Variants in HDAC9 observed in about 807,000 individuals in gnomAD.
HDAC9 encodes the protein MEF-2 interacting transcription repressor (MITR) protein.
HDAC9 carries 41 observed loss-of-function variants against 139.4 expected under a neutral mutation model. That is an observed-to-expected ratio of 0.29 (90% CI 0.23 to 0.38). The LOEUF is 0.38. HDAC9 is among the 10% of genes least tolerant of loss of function. HDAC9 has a pLI of 1.00. For missense variants in HDAC9, 1,147 were observed against 1,297.0 expected, an observed-to-expected ratio of 0.88 and a Z score of 1.78; for synonymous variants, 517 against 476.2, an observed-to-expected ratio of 1.09 and a Z score of -1.12.
chr7:18,398,957 A>G (rs969296824), intron 1 of HDAC9, among the ~76,000 whole-genome samples: 2 of 152,050 alleles, frequency 1.3e-5, no homozygotes, highest in African/African-American at 4.8e-5. Context: ...TAATAGTTGT[A>G]TTTACCATAA....
intron 1 of HDAC9, among the ~76,000 whole-genome samples, chr7:18,456,050 G>T (rs989392073): frequency 5.3e-5 from 8 of 152,064 alleles, no homozygotes; most frequent in African/African-American, 1.9e-4. Flanking sequence ...AAATTTTCTT[G>T]GGATAGAAAT....
At chr7:18,553,113 T>G (rs1467040991) in intron 2 of HDAC9, among the ~76,000 whole-genome samples, 3 of 152,134 alleles carry the variant, frequency 2.0e-5, no homozygotes, top group Non-Finnish European at 4.4e-5. Flanking sequence ...TTGTGTGTAT[T>G]TGTGCTGTGC....
intron 22 of HDAC9, among the ~76,000 whole-genome samples, chr7:18,878,518 A>G (rs979940259): frequency 4.6e-5 from 7 of 152,210 alleles, no homozygotes; most frequent in African/African-American, 1.4e-4. Context: ...AAGTAAATCA[A>G]TAAATGTGAT....
intron 22 of HDAC9, among the ~76,000 whole-genome samples, chr7:18,884,976 C>T (rs1471344346): frequency 6.6e-6 from 1 of 152,186 alleles, no homozygotes; most frequent in Non-Finnish European, 1.5e-5. Context: ...TGATATTCTT[C>T]AAGTTTAATC....
intron 22 of HDAC9, among the ~76,000 whole-genome samples, chr7:18,919,424 G>A (rs559271963): frequency 1.1e-4 from 17 of 152,026 alleles, no homozygotes; most frequent in African/African-American, 2.6e-4. Context: ...AAAAAATGTT[G>A]TATCATTCTA....
At chr7:18,361,817 A>AG (rs1424015492) in intron 1 of HDAC9, among the ~76,000 whole-genome samples, 1 of 150,804 alleles carries the variant, frequency 6.6e-6, no homozygotes, top group African/African-American at 2.4e-5. Context: ...AAGGAGAGAG[A>AG]GAAAAAAAAA....
In HDAC9 at chr7:18,851,766, C is replaced by T. The variant is rs558883182; in HGVS notation, c.2684+15769C>T. ...TCTACTTTTTAAAATTCCATTAACA[C>T]CAAATGTCTAATTATTCCTGTCTTG... On this transcript the variant is annotated intron_variant, in intron 21 of 25. Coordinates refer to ENST00000686413, the MANE Select transcript of HDAC9 (RefSeq NM_178425.4). Among the ~76,000 whole-genome samples, 8 of 152,286 alleles carry T rather than the reference C, an allele frequency of 5.3e-5. No individual in the cohort carries two copies. The South Asian group carries it at 1.7e-3, about 32-fold the overall frequency.
intron 1 of HDAC9, chr7:18,088,109 C>T (rs1562605081): frequency 6.6e-6 from 1 of 152,116 alleles, no homozygotes; most frequent in Admixed American, 6.5e-5. Context: ...GTGTAATCTC[C>T]TAAAAGGAAC....
intron 1 of HDAC9, among the ~76,000 whole-genome samples, chr7:18,356,185 G>T (rs1196786182): frequency 6.6e-6 from 1 of 151,976 alleles, no homozygotes; most frequent in Admixed American, 6.6e-5. Flanking sequence ...ATCAAATTCA[G>T]AATTTCCCGT....
intron 25 of HDAC9, among the ~76,000 whole-genome samples, chr7:18,993,927 A>ATGAT (rs1204334933): frequency 6.6e-6 from 1 of 152,244 alleles, no homozygotes; most frequent in East Asian, 1.9e-4. Flanking sequence ...TCAATATAAA[A>ATGAT]TGATTTCAAA....
At chr7:18,864,112 C>T (rs929110392) in intron 21 of HDAC9, among the ~76,000 whole-genome samples, 5 of 152,252 alleles carry the variant, frequency 3.3e-5, no homozygotes, top group African/African-American at 1.2e-4. Context: ...GTTCCAATTT[C>T]TTCATATTAA....
At chr7:18,771,393 C>T (rs1023045587) in intron 16 of HDAC9, among the ~76,000 whole-genome samples, 10 of 152,006 alleles carry the variant, frequency 6.6e-5, no homozygotes, top group Non-Finnish European at 1.5e-4. Context: ...TTCAATTGCT[C>T]TGAGGTTTTC....
At chr7:18,438,228 G>T (rs766196272) in intron 1 of HDAC9, among the ~76,000 whole-genome samples, 1 of 151,938 alleles carries the variant, frequency 6.6e-6, no homozygotes, top group African/African-American at 2.4e-5. Context: ...ATAAACATAT[G>T]ACATATGCTT....
At chr7:18,712,510 A>G (rs999969947) in intron 12 of HDAC9, among the ~76,000 whole-genome samples, 2 of 152,234 alleles carry the variant, frequency 1.3e-5, no homozygotes, top group Non-Finnish European at 2.9e-5. Flanking sequence ...ATCTGCAGGT[A>G]TAAGCAATAA....
intron 21 of HDAC9, among the ~76,000 whole-genome samples, chr7:18,841,550 A>T (rs971665456): frequency 2.0e-5 from 3 of 152,082 alleles, no homozygotes; most frequent in Non-Finnish European, 2.9e-5. Flanking sequence ...TCCTGATGTC[A>T]CACAGCTGGT....
chr7:18,138,648 C>T (rs1389350498), intron 1 of HDAC9, among the ~76,000 whole-genome samples: 3 of 151,790 alleles, frequency 2.0e-5, no homozygotes, highest in African/African-American at 7.3e-5. Flanking sequence ...GGGCAGGCTG[C>T]AACCTTTCTA....
chr7:18,300,558 G>T (rs1284392016), intron 1 of HDAC9, among the ~76,000 whole-genome samples: 1 of 151,580 alleles, frequency 6.6e-6, no homozygotes, highest in Non-Finnish European at 1.5e-5. Flanking sequence ...TTAATTATAT[G>T]TAGACATTAT....
At chr7:18,127,945 A>T (rs1459637870) in intron 1 of HDAC9, among the ~76,000 whole-genome samples, 1 of 152,180 alleles carries the variant, frequency 6.6e-6, no homozygotes, top group African/African-American at 2.4e-5. Flanking sequence ...AAGAATTAGT[A>T]GATGATTGAG....
At chr7:18,328,547 A>G (rs1199321896) in intron 1 of HDAC9, among the ~76,000 whole-genome samples, 1 of 151,948 alleles carries the variant, frequency 6.6e-6, no homozygotes, top group East Asian at 1.9e-4. Flanking sequence ...ATCAAATTAT[A>G]ATTAGAAGAT....
Sources: allele counts gnomAD v4.1 joint callset (sites outside exome capture counted in the v4.1 genomes callset), GRCh38; gene constraint gnomAD v4.1.1; transcripts MANE v1.5; gene names NCBI Gene and HGNC (gene_info 2026-07-23, HGNC 2026-07-21).